Variants in ACOT9 observed in about 807,000 individuals in gnomAD.
ACOT9 encodes acyl-CoA thioesterase 9, also known as acyl-coenzyme A thioesterase 9, mitochondrial.
In ACOT9, 34 loss-of-function variants were observed where a neutral mutation model predicts 39.7. The observed-to-expected ratio is 0.86, with a 90% CI of 0.65 to 1.14. The LOEUF (loss-of-function observed/expected upper bound fraction) is 1.14, where lower values mean the gene tolerates loss of function less well. Among genes scored for constraint, ACOT9 ranks in the 50% most tolerant of loss-of-function variants. The pLI is 0.00. For missense variants in ACOT9, 313 were observed against 344.1 expected, an observed-to-expected ratio of 0.91 and a Z score of 0.71; for synonymous variants, 110 against 120.5, an observed-to-expected ratio of 0.91 and a Z score of 0.57.
At position 23,730,880 on chromosome X, in the gene ACOT9, G is replaced by A; in HGVS notation, c.298C>T (p.Leu100Phe). The change falls in exon 5 of 16, where the codon CTC (leucine) becomes TTC (phenylalanine). Residue 100 changes from leucine (L) to phenylalanine (F), a missense_variant. Leu to Phe is a conservative substitution (Grantham distance 22). Coordinates refer to ENST00000379303, the MANE Select transcript of ACOT9 (RefSeq NM_001037171.2). Reference sequence around the variant, plus strand: ...TCAGGCTCACTGCCCAAAGGCAAGAGAACTTCAATATAACTGTCCTTCATT... The same window carrying A: ...TCAGGCTCACTGCCCAAAGGCAAGAAAACTTCAATATAACTGTCCTTCATT... ...RRMKDSYIEVLLPLGSEPELR... is the reference protein window; with the variant it reads ...RRMKDSYIEVFLPLGSEPELR... 8.3e-7 allele frequency: 1 copy of A among 1,210,787 alleles called. No individual in the cohort carries two copies. The highest frequency in any genetic ancestry group is 3.0e-5 in the East Asian group (1 of 33,860).
intron 1 of ACOT9, 103 bp downstream of exon 1, chrX:23,743,022 G>A (rs1213401092): frequency 2.0e-6 from 2 of 989,669 alleles, no homozygotes; most frequent in East Asian, 3.9e-5. Context: ...AAATGCCCAT[G>A]CGTGGCCCAC....
intron 8 of ACOT9, among the ~76,000 whole-genome samples, chrX:23,713,707 C>A (rs1438066312): frequency 9.1e-6 from 1 of 110,067 alleles, no homozygotes; most frequent in Non-Finnish European, 1.9e-5. Context: ...CAAAGGAGCC[C>A]GTGGCCTAGC....
intron 2 of ACOT9, 49 bp downstream of exon 2, chrX:23,735,870 A>T (rs1929934802): frequency 9.0e-7 from 1 of 1,113,654 alleles, no homozygotes; most frequent in East Asian, 3.0e-5. Flanking sequence ...AATAAAAGTA[A>T]AACAAGGTTT....
intron 1 of ACOT9, among the ~76,000 whole-genome samples, chrX:23,740,912 A>G (rs1267179074): frequency 9.1e-6 from 1 of 109,817 alleles, no homozygotes; most frequent in Non-Finnish European, 1.9e-5. Flanking sequence ...GGCCTTTGCA[A>G]CACTCAAATC....
At chrX:23,742,237 G>GAGGGAGA (rs1315626821) in intron 1 of ACOT9, among the ~76,000 whole-genome samples, 5 of 42,912 alleles carry the variant, frequency 1.2e-4, no homozygotes, top group East Asian at 8.7e-4. Flanking sequence ...AGAGAGAGAG[G>GAGGGAGA]GAGAGAGAGA....
chrX:23,720,841 C>T (rs957864192), intron 8 of ACOT9, among the ~76,000 whole-genome samples: 1 of 111,541 alleles, frequency 9.0e-6, no homozygotes, highest in Admixed American at 9.7e-5. Flanking sequence ...ATGCTCAACT[C>T]CCCTATATAA....
chrX:23,705,036 T>TG lies in ACOT9; in HGVS notation c.1063dup (p.Gln355ProfsTer5), dbSNP rs1341933843. 1.7e-6 allele frequency: 2 copies of TG among 1,210,261 alleles called. No homozygotes were observed. Among genetic ancestry groups the TG allele is most frequent in the African/African-American group, 3.5e-5 (2 of 57,319 alleles). ...CAATGAGCCAACCTCAACAGGTTTC[T>TG]GAAACATGATGTCATCTACTGCTAC... On this transcript the variant is annotated frameshift_variant, in exon 14 of 16. Coordinates refer to ENST00000379303, the MANE Select transcript of ACOT9 (RefSeq NM_001037171.2). LOFTEE classifies it high-confidence loss of function.
At chrX:23,705,260 AATAACTATATCTTTTCCTTTCTAC>A (rs1928637449) in intron 13 of ACOT9, among the ~76,000 whole-genome samples, 180 bp from the exon 14 acceptor site, 1 of 111,739 alleles carries the variant, frequency 8.9e-6, no homozygotes, top group Non-Finnish European at 1.9e-5. Flanking sequence ...TTAGGGCCAA[AATAACTATATCTTTTCCTTTCTAC>A]ATATCATCAC....
chrX:23,719,899 T>C (rs755168767), intron 8 of ACOT9, among the ~76,000 whole-genome samples: 17 of 109,944 alleles, frequency 1.5e-4, no homozygotes, highest in Middle Eastern at 4.8e-3. Flanking sequence ...AGCAGTGGTG[T>C]GATCTCGGCT....
intron 14 of ACOT9, 35 bp from the exon 15 acceptor site, chrX:23,704,879 C>T (rs965920443): frequency 8.4e-7 from 1 of 1,184,985 alleles, no homozygotes; most frequent in Non-Finnish European, 1.1e-6. Flanking sequence ...CAGTCAACTG[C>T]ATTAGGAAGG....
At chrX:23,704,933 G>C (rs1928624107) in intron 14 of ACOT9, 60 bp downstream of exon 14, 2 of 1,175,588 alleles carry the variant, frequency 1.7e-6, no homozygotes, top group Non-Finnish European at 2.3e-6. Flanking sequence ...TTTTGATATA[G>C]AAACTTCTAG....
chrX:23,705,741 T>C (rs369780807), intron 12 of ACOT9, 27 bp downstream of exon 12: 61 of 1,170,010 alleles, frequency 5.2e-5, no homozygotes, highest in Non-Finnish European at 6.9e-5. Context: ...AGCTATCCTA[T>C]TCGGATTTCT....
chrX:23,737,857 C>G (rs1247097956), intron 1 of ACOT9, among the ~76,000 whole-genome samples: 1 of 98,462 alleles, frequency 1.0e-5, no homozygotes, highest in Non-Finnish European at 2.0e-5. Context: ...CTTTCGTATA[C>G]AGATTAATAT....
chrX:23,737,035 A>G (rs1929967386), intron 1 of ACOT9, among the ~76,000 whole-genome samples: 1 of 110,291 alleles, frequency 9.1e-6, no homozygotes, highest in Non-Finnish European at 1.9e-5. Context: ...CCCGCAGGCC[A>G]GGCGTGGTGG....
At chrX:23,720,839 C>T (rs923255790) in intron 8 of ACOT9, among the ~76,000 whole-genome samples, 2 of 111,644 alleles carry the variant, frequency 1.8e-5, no homozygotes, top group Admixed American at 9.7e-5. Flanking sequence ...AGATGCTCAA[C>T]TCCCCTATAT....
At chrX:23,740,717 TACACACACACAC>T (rs67075682) in intron 1 of ACOT9, among the ~76,000 whole-genome samples, 6 of 92,091 alleles carry the variant, frequency 6.5e-5, no homozygotes, top group Admixed American at 1.3e-4. Context: ...CCCCAATACA[TACACACACACAC>T]ACACACACAC....
intron 8 of ACOT9, among the ~76,000 whole-genome samples, chrX:23,717,307 A>T (rs1929117150): frequency 9.0e-6 from 1 of 111,513 alleles, no homozygotes; most frequent in Non-Finnish European, 1.9e-5. Context: ...AGGAGTTTAG[A>T]CTTTAATCCA....
At chrX:23,706,223 G>A (rs975738595) in intron 11 of ACOT9, among the ~76,000 whole-genome samples, 5 of 109,107 alleles carry the variant, frequency 4.6e-5, no homozygotes, top group African/African-American at 1.7e-4. Context: ...CCAAGATCAC[G>A]CCACTGCATT....
chrX:23,722,523 C>G, intron 7 of ACOT9, 147 bp downstream of exon 7: 1 of 392,068 alleles, frequency 2.6e-6, no homozygotes, highest in South Asian at 5.5e-5. Flanking sequence ...AAGATCGTGC[C>G]ATTACACTCC....
Sources: allele counts gnomAD v4.1 joint callset (sites outside exome capture counted in the v4.1 genomes callset), GRCh38; gene constraint gnomAD v4.1.1; transcripts MANE v1.5; gene names NCBI Gene and HGNC (gene_info 2026-07-23, HGNC 2026-07-21).